DSCAML1: variants seen among roughly 807,000 people sequenced by gnomAD.
The protein encoded by DSCAML1 is cell adhesion molecule DSCAML1.
In DSCAML1, 38 loss-of-function variants were observed where a neutral mutation model predicts 200.5. The observed-to-expected ratio is 0.19, with a 90% CI of 0.15 to 0.25. The LOEUF is 0.25. Among genes scored for constraint, DSCAML1 ranks in the 10% least tolerant of loss-of-function variants. The pLI, the probability that DSCAML1 is intolerant of heterozygous loss-of-function variation, is 1.00. For missense variants in DSCAML1, 2,223 were observed against 2,858.8 expected (o/e 0.78, Z 5.07); for synonymous variants, 1,215 against 1,165.0 (o/e 1.04, Z -0.87).
chr11:117,479,174 A>G (rs2048858053), intron 14 of DSCAML1, among the ~76,000 whole-genome samples: 1 of 152,220 alleles, frequency 6.6e-6, no homozygotes, highest in Non-Finnish European at 1.5e-5. Context: ...AATCAAGAGG[A>G]GAGGACAGCC....
chr11:117,507,333 C>A (rs1308405667), intron 8 of DSCAML1, among the ~76,000 whole-genome samples: 2 of 152,196 alleles, frequency 1.3e-5, no homozygotes, highest in Non-Finnish European at 2.9e-5. Flanking sequence ...CTGGGCCCAT[C>A]CAGAGTGGCC....
At chr11:117,465,213 GA>G in intron 16 of DSCAML1, 31 bp from the exon 17 acceptor site, 2 of 1,607,842 alleles carry the variant, frequency 1.2e-6, no homozygotes, top group Non-Finnish European at 1.7e-6. Flanking sequence ...TGGGCACAAA[GA>G]AATGGCAACA....
rs2049771031 is a variant in DSCAML1 at position 117,516,516 on chromosome 11, G to A, written c.1734C>T (p.Leu578=). The A allele has an allele frequency of 1.2e-6, 2 of 1,614,008 alleles. No homozygotes were observed. Among genetic ancestry groups the A allele is most frequent in the South Asian group, 1.1e-5 (1 of 91,084 alleles). ...GGCTGATGGAGAGCTGGGGCTGGAT[G>A]AGGACACTGCACAGGTACTCCCCCT... ...MDEGEYLCSV[L]IQPQLSISQS... is the part of the protein sequence containing the mutation. The change falls in exon 8 of 33, where the codon CTC becomes CTT. Residue 578 remains leucine, a synonymous_variant. Coordinates refer to ENST00000651296, the MANE Select transcript of DSCAML1 (RefSeq NM_020693.4). This position sits in a 1 kb window ranked among gnomAD's most constrained non-coding sequence, Gnocchi z 5.7.
chr11:117,452,803 T>C (rs1304810426), intron 19 of DSCAML1, among the ~76,000 whole-genome samples: 1 of 152,238 alleles, frequency 6.6e-6, no homozygotes, highest in East Asian at 1.9e-4. Context: ...CATAATAGAT[T>C]ACAACATGAA....
At chr11:117,781,281 ACT>A (rs2055256221) in intron 1 of DSCAML1, among the ~76,000 whole-genome samples, 1 of 144,692 alleles carries the variant, frequency 6.9e-6, no homozygotes, top group Non-Finnish European at 1.5e-5. Flanking sequence ...ACAGAGCAAG[ACT>A]CTGTCTCGAA....
intron 3 of DSCAML1, among the ~76,000 whole-genome samples, chr11:117,727,433 T>C (rs759504745): frequency 3.3e-5 from 5 of 152,174 alleles, no homozygotes; most frequent in Non-Finnish European, 5.9e-5. Flanking sequence ...AGCAAAACTT[T>C]CTCTCCAGAA....
At chr11:117,564,065 G>C (rs1236770265) in intron 3 of DSCAML1, among the ~76,000 whole-genome samples, 1 of 152,212 alleles carries the variant, frequency 6.6e-6, no homozygotes, top group East Asian at 1.9e-4. Context: ...CCGAGGTGGA[G>C]GGTTCCCTGC....
intron 3 of DSCAML1, among the ~76,000 whole-genome samples, chr11:117,710,855 C>T (rs1274789135): frequency 1.3e-5 from 2 of 152,122 alleles, no homozygotes; most frequent in African/African-American, 2.4e-5. Context: ...ACTGGGGAGA[C>T]AGAACATACT....
At chr11:117,559,623 C>A (rs768170134) in intron 3 of DSCAML1, among the ~76,000 whole-genome samples, 2 of 152,064 alleles carry the variant, frequency 1.3e-5, no homozygotes, top group Non-Finnish European at 2.9e-5. Flanking sequence ...GCCTTTTATC[C>A]CCCCTCTCGT....
intron 1 of DSCAML1, among the ~76,000 whole-genome samples, chr11:117,811,383 C>T (rs988495221): frequency 6.6e-6 from 1 of 152,180 alleles, no homozygotes; most frequent in African/African-American, 2.4e-5. Context: ...AACCCCACAA[C>T]AGGACTTAAT....
At chr11:117,727,317 T>C (rs1183478915) in intron 3 of DSCAML1, among the ~76,000 whole-genome samples, 2 of 152,172 alleles carry the variant, frequency 1.3e-5, no homozygotes, top group Non-Finnish European at 2.9e-5. Context: ...CCACAGATTA[T>C]AGACAAACCT....
At chr11:117,433,075 A>T in intron 29 of DSCAML1, 63 bp downstream of exon 29, 2 of 1,463,070 alleles carry the variant, frequency 1.4e-6, no homozygotes, top group Non-Finnish European at 1.9e-6. Context: ...TTTGACTTCC[A>T]TGGGTTGTAG....
chr11:117,753,282 G>A (rs1020048871), intron 3 of DSCAML1, among the ~76,000 whole-genome samples: 11 of 152,170 alleles, frequency 7.2e-5, no homozygotes, highest in South Asian at 2.1e-4. Flanking sequence ...GAATATGGGC[G>A]GCATCATTTT....
chr11:117,606,148 G>C (rs1462074287), intron 3 of DSCAML1, among the ~76,000 whole-genome samples: 1 of 152,174 alleles, frequency 6.6e-6, no homozygotes, highest in East Asian at 1.9e-4. Context: ...CCTCTGCTGA[G>C]TTCTCAGGTG....
At chr11:117,709,156 A>G (rs1020191328) in intron 3 of DSCAML1, among the ~76,000 whole-genome samples, 1 of 152,218 alleles carries the variant, frequency 6.6e-6, no homozygotes, top group African/African-American at 2.4e-5. Flanking sequence ...CCTAGTTTCA[A>G]TGTGTGACCC....
chr11:117,802,187 C>A (rs1484333235), upstream of DSCAML1, among the ~76,000 whole-genome samples: 1 of 152,242 alleles, frequency 6.6e-6, no homozygotes, highest in East Asian at 1.9e-4. Context: ...AAAACCTTCA[C>A]CTTTCTCAAG....
At chr11:117,577,673 TCTC>T (rs2050971551) in intron 3 of DSCAML1, among the ~76,000 whole-genome samples, 1 of 151,312 alleles carries the variant, frequency 6.6e-6, no homozygotes, top group Non-Finnish European at 1.5e-5. Context: ...TTCAAGCAAT[TCTC>T]CTGCCTCAGC....
At chr11:117,670,703 G>A (rs2053086948) in intron 3 of DSCAML1, among the ~76,000 whole-genome samples, 1 of 152,170 alleles carries the variant, frequency 6.6e-6, no homozygotes. Context: ...GAATGAAAGG[G>A]CTGTGCCTCT....
intron 16 of DSCAML1, among the ~76,000 whole-genome samples, chr11:117,465,564 G>A (rs544153): frequency 0.24 from 35,994 of 151,918 alleles, 5,042 homozygotes; most frequent in East Asian, 0.56. Flanking sequence ...TTTTCTTCCC[G>A]GTTTATTTTC....
Sources: allele counts gnomAD v4.1 joint callset (sites outside exome capture counted in the v4.1 genomes callset), GRCh38; gene constraint gnomAD v4.1.1; non-coding constraint Gnocchi (gnomAD v3.1); transcripts MANE v1.5; gene names NCBI Gene and HGNC (gene_info 2026-07-23, HGNC 2026-07-21).